DNAH12: variants seen among roughly 807,000 people sequenced by gnomAD.
DNAH12 encodes the protein axonemal beta dynein heavy chain 12.
DNAH12 carries 285 observed loss-of-function variants against 371.5 expected under a neutral mutation model. That is an observed-to-expected ratio of 0.77 (90% CI 0.70 to 0.85). DNAH12 has a LOEUF of 0.85. Ranked by LOEUF, DNAH12 falls within the 40% of genes least tolerant of loss-of-function variation. DNAH12 has a pLI of 0.00. For missense variants in DNAH12, 3,611 were observed against 3,689.4 expected, an observed-to-expected ratio of 0.98 and a Z score of 0.55; for synonymous variants, 1,200 against 1,213.0, an observed-to-expected ratio of 0.99 and a Z score of 0.22.
At chr3:57,299,278 A>G (rs1189648509) in intron 70 of DNAH12, among the ~76,000 whole-genome samples, 1 of 152,212 alleles carries the variant, frequency 6.6e-6, no homozygotes, top group African/African-American at 2.4e-5. Context: ...ATTAGCTACC[A>G]TTTACTAAGT....
At chr3:57,305,079 C>T (rs1685470047) in intron 69 of DNAH12, among the ~76,000 whole-genome samples, 1 of 152,138 alleles carries the variant, frequency 6.6e-6, no homozygotes, top group African/African-American at 2.4e-5. Context: ...ACAGTGGTTC[C>T]AAATAGCCAG....
chr3:57,390,422 A>T (rs1166796971), intron 45 of DNAH12, among the ~76,000 whole-genome samples: 45 of 29,894 alleles, frequency 1.5e-3, no homozygotes, highest in South Asian at 3.4e-3. Flanking sequence ...AAAAAAAAAA[A>T]AAATATATAT....
At chr3:57,442,503 A>C (rs908329882) in intron 29 of DNAH12, among the ~76,000 whole-genome samples, 3 of 152,226 alleles carry the variant, frequency 2.0e-5, no homozygotes, top group African/African-American at 7.2e-5. Flanking sequence ...CAACCTGTGG[A>C]GTGACCACTA....
Position 57,333,329 on chromosome 3 carries a change from C to CTTTTTTTTTTTTTTTTTTTT in DNAH12, c.9978+1116_9978+1135dup, listed in dbSNP as rs34135477. Among the ~76,000 whole-genome samples, 30 of 111,070 alleles carry CTTTTTTTTTTTTTTTTTTTT rather than the reference C, an allele frequency of 2.7e-4. 3 individuals carry two copies. The highest frequency in any genetic ancestry group is 1.2e-3 in the African/African-American group (27 of 21,904). The allele number at this position is 111,070 out of a possible 152,430, so 72.9% of individuals were successfully genotyped here. The stretch of plus-strand genomic sequence containing the variant: ...CGGATACATGTTCTTTTTAAGGCAA[C>CTTTTTTTTTTTTTTTTTTTT]TTTTTTTTTTTTTTTTTTTTAGATG... On this transcript the variant is annotated intron_variant, in intron 62 of 73. Transcript: ENST00000495027.
intron 49 of DNAH12, among the ~76,000 whole-genome samples, chr3:57,382,938 A>G (rs2063425551): frequency 6.6e-6 from 1 of 152,238 alleles, no homozygotes; most frequent in Non-Finnish European, 1.5e-5. Flanking sequence ...TATATATCTT[A>G]GTTTTTCATG....
chr3:57,545,273 AG>A (rs1245860283), upstream of DNAH12, among the ~76,000 whole-genome samples: 1 of 149,380 alleles, frequency 6.7e-6, no homozygotes, highest in African/African-American at 2.5e-5. Context: ...CCTTCCAAGT[AG>A]TTGGGATTAC....
intron 60 of DNAH12, among the ~76,000 whole-genome samples, chr3:57,335,146 A>G (rs931338960): frequency 1.3e-5 from 2 of 152,160 alleles, no homozygotes; most frequent in East Asian, 1.9e-4. Context: ...CTCTGAGAGA[A>G]GAGAGGTGAA....
At chr3:57,439,784 T>C (rs1230121191) in intron 29 of DNAH12, among the ~76,000 whole-genome samples, 4 of 152,024 alleles carry the variant, frequency 2.6e-5, no homozygotes, top group Non-Finnish European at 5.9e-5. Flanking sequence ...TCACAAATTA[T>C]GCATCCAGCA....
At chr3:57,331,217 C>T (rs1413716913) in intron 62 of DNAH12, among the ~76,000 whole-genome samples, 2 of 152,108 alleles carry the variant, frequency 1.3e-5, no homozygotes, top group African/African-American at 2.4e-5. Flanking sequence ...GGCTTCCAAA[C>T]ACGGCAGACA....
chr3:57,431,822 T>A (rs1364449552), intron 32 of DNAH12, among the ~76,000 whole-genome samples: 2 of 152,180 alleles, frequency 1.3e-5, no homozygotes, highest in Non-Finnish European at 2.9e-5. Flanking sequence ...CTCTTTCCCA[T>A]CTTCCACAAA....
chr3:57,489,786 CTTTA>C (rs1018622296), intron 11 of DNAH12, 99 bp from the exon 12 acceptor site: 5 of 1,204,460 alleles, frequency 4.2e-6, no homozygotes, highest in Non-Finnish European at 5.6e-6. Flanking sequence ...ATAAATACAA[CTTTA>C]TTTCTTTTTT....
intron 4 of DNAH12, among the ~76,000 whole-genome samples, chr3:57,521,993 A>G (rs1429176497): frequency 3.3e-5 from 5 of 149,920 alleles, no homozygotes; most frequent in Non-Finnish European, 7.4e-5. Flanking sequence ...GGAGGCTGAG[A>G]TGGGTTTATT....
At chr3:57,331,285 C>T (rs1033855294) in intron 62 of DNAH12, among the ~76,000 whole-genome samples, 7 of 152,146 alleles carry the variant, frequency 4.6e-5, no homozygotes, top group African/African-American at 1.4e-4. Context: ...TCAGGGGAGC[C>T]ATTCTGTAAA....
rs2061169280 is a variant in DNAH12 at position 57,293,742 on chromosome 3, T to A, written c.*39A>T. On this transcript the variant is annotated 3_prime_UTR_variant, in exon 74 of 74. Transcript: ENST00000495027. ...ATATTTTAAGTAGGACAGGTTTTTT[T>A]TTTTTTAAACTTTTGGATGTTTTAT... 6.6e-7 allele frequency: 1 copy of A among 1,522,578 alleles called. No homozygotes were observed. 94.3% of individuals were successfully genotyped at this position (1,522,578 alleles called of 1,614,324 possible). A position where few individuals can be genotyped will look rare whatever the true frequency, so the allele number is the denominator to read the frequency against.
intron 55 of DNAH12, among the ~76,000 whole-genome samples, chr3:57,372,282 GA>G (rs1476907531): frequency 6.6e-6 from 1 of 151,924 alleles, no homozygotes; most frequent in Non-Finnish European, 1.5e-5. Flanking sequence ...TGTTTTAAAA[GA>G]TTTTTTTTAG....
chr3:57,418,968 A>G (rs942247489), intron 37 of DNAH12, among the ~76,000 whole-genome samples: 26 of 152,240 alleles, frequency 1.7e-4, no homozygotes, highest in Non-Finnish European at 8.8e-5. Flanking sequence ...TATGGAATCC[A>G]GAACTGGCAT....
At chr3:57,298,231 A>G (rs2061274261) in intron 70 of DNAH12, among the ~76,000 whole-genome samples, 1 of 152,182 alleles carries the variant, frequency 6.6e-6, no homozygotes, top group Non-Finnish European at 1.5e-5. Flanking sequence ...GGCCAGTCAT[A>G]CTTCCAGCCT....
chr3:57,501,754 T>C (rs1487591123), intron 10 of DNAH12, among the ~76,000 whole-genome samples: 1 of 152,158 alleles, frequency 6.6e-6, no homozygotes, highest in African/African-American at 2.4e-5. Context: ...ACCAATAAAA[T>C]TGAGCTACAG....
intron 43 of DNAH12, among the ~76,000 whole-genome samples, chr3:57,399,823 T>C (rs1008994369): frequency 2.6e-5 from 4 of 152,240 alleles, no homozygotes; most frequent in Non-Finnish European, 5.9e-5. Flanking sequence ...TCAATATATG[T>C]TTCTTCCTTA....
Sources: allele counts gnomAD v4.1 joint callset (sites outside exome capture counted in the v4.1 genomes callset), GRCh38; gene constraint gnomAD v4.1.1; transcripts MANE v1.5; gene names NCBI Gene and HGNC (gene_info 2026-07-23, HGNC 2026-07-21).